BACH2: variants seen among roughly 807,000 people sequenced by gnomAD.
BACH2 encodes transcription regulator protein BACH2.
BACH2 carries 5 observed loss-of-function variants against 61.8 expected under a neutral mutation model. The ratio of observed to expected loss-of-function variants is 0.08; its 90% CI spans 0.04 to 0.17. The LOEUF (loss-of-function observed/expected upper bound fraction) is 0.17, where lower values mean the gene tolerates loss of function less well. Ranked by LOEUF, BACH2 falls within the 10% of genes least tolerant of loss-of-function variation. The probability of loss-of-function intolerance (pLI) is 1.00; values close to 1 mark genes in which losing one functional copy is unlikely to be tolerated. For missense variants in BACH2, 824 were observed against 1,091.1 expected (o/e 0.76, Z 3.45); for synonymous variants, 446 against 440.1 (o/e 1.01, Z -0.17).
chr6:89,981,539 C>T (rs1197587037), intron 6 of BACH2, among the ~76,000 whole-genome samples: 1 of 152,090 alleles, frequency 6.6e-6, no homozygotes, highest in African/African-American at 2.4e-5. Flanking sequence ...TATTCATGTT[C>T]CCTGAATTGA....
chr6:90,219,662 A>C (rs1167562100), intron 3 of BACH2, among the ~76,000 whole-genome samples: 1 of 152,122 alleles, frequency 6.6e-6, no homozygotes, highest in African/African-American at 2.4e-5. Context: ...CCCCTTCCTC[A>C]TCTACTGAGT....
chr6:89,961,018 C>T (rs950838170), intron 6 of BACH2, among the ~76,000 whole-genome samples: 2 of 152,172 alleles, frequency 1.3e-5, no homozygotes, highest in African/African-American at 2.4e-5. Flanking sequence ...GTGGAACCTT[C>T]GTTTCAACTG....
At chr6:89,997,402 C>T (rs182505562) in intron 6 of BACH2, among the ~76,000 whole-genome samples, 148 of 152,320 alleles carry the variant, frequency 9.7e-4, no homozygotes, top group African/African-American at 3.5e-3. Flanking sequence ...AGTTCTTACC[C>T]TGAATCTGGG....
In BACH2 at chr6:89,932,306, G is replaced by A. The variant is rs1584492842; in HGVS notation, c.*102C>T. 2.8e-6 allele frequency: 4 copies of A among 1,446,352 alleles called. No homozygotes were observed. Among genetic ancestry groups the A allele is most frequent in the East Asian group, 4.6e-5 (2 of 43,678 alleles). 89.6% of individuals were successfully genotyped at this position (1,446,352 alleles called of 1,614,324 possible). ...AAGACCGCTGTAGTGTGCACCAAAT[G>A]TGTTCTCGGTTTCTTCGGGACAGCA... is the stretch of plus-strand genomic sequence containing the variant. On this transcript the variant is annotated 3_prime_UTR_variant, in exon 9 of 9. Coordinates refer to ENST00000257749, the MANE Select transcript of BACH2 (RefSeq NM_021813.4).
At chr6:90,014,469 T>TATATATATATATATA (rs540765610) in intron 5 of BACH2, among the ~76,000 whole-genome samples, 2 of 35,732 alleles carry the variant, frequency 5.6e-5, no homozygotes, top group African/African-American at 3.2e-4. Context: ...TATATATATA[T>TATATATATATATATA]TTTTTTTTTT....
intron 6 of BACH2, among the ~76,000 whole-genome samples, chr6:89,973,266 A>G (rs1775470941): frequency 1.9e-5 from 1 of 53,728 alleles, no homozygotes; most frequent in African/African-American, 8.0e-5. Flanking sequence ...AAGAAAATAT[A>G]AAAAATAAAG....
At chr6:89,969,787 A>G in intron 6 of BACH2, among the ~76,000 whole-genome samples, 1 of 152,204 alleles carries the variant, frequency 6.6e-6, no homozygotes, top group African/African-American at 2.4e-5. Context: ...TCGGAAAACC[A>G]TGGAGCAAAA....
chr6:89,990,526 T>C (rs1466049288), intron 6 of BACH2, among the ~76,000 whole-genome samples: 4 of 152,110 alleles, frequency 2.6e-5, no homozygotes, highest in Non-Finnish European at 5.9e-5. Flanking sequence ...ATACTGGCTT[T>C]TTTTTTTCTT....
intron 4 of BACH2, among the ~76,000 whole-genome samples, chr6:90,182,654 C>T (rs542493535): frequency 2.3e-4 from 35 of 152,252 alleles, no homozygotes; most frequent in African/African-American, 7.9e-4. Context: ...AGATTGAGAA[C>T]GTATTAATTC....
Position 90,208,339 on chromosome 6 carries a change from G to A in BACH2, c.-274-1658C>T, listed in dbSNP as rs182537303. Reference sequence around the variant, plus strand: ...AGGGCTAATACCCAGAATCTACAAAGAACTTAAACAAATTTACAAGAAAAA... The same window carrying A: ...AGGGCTAATACCCAGAATCTACAAAAAACTTAAACAAATTTACAAGAAAAA... On this transcript the variant is annotated intron_variant, in intron 3 of 8. Coordinates refer to ENST00000257749, the MANE Select transcript of BACH2 (RefSeq NM_021813.4). Among the ~76,000 whole-genome samples, 264 of 152,000 alleles carry A rather than the reference G, an allele frequency of 1.7e-3. 4 individuals carry two copies. Among genetic ancestry groups the A allele is most frequent in the Admixed American group, 0.011 (169 of 15,256 alleles).
chr6:90,219,789 C>T (rs1315106600), intron 3 of BACH2, among the ~76,000 whole-genome samples: 1 of 35,714 alleles, frequency 2.8e-5, no homozygotes, highest in African/African-American at 7.8e-5. Context: ...AACACATACA[C>T]ACACACACAC....
At chr6:89,949,281 T>G (rs1172463604) in intron 7 of BACH2, among the ~76,000 whole-genome samples, 1 of 152,198 alleles carries the variant, frequency 6.6e-6, no homozygotes, top group African/African-American at 2.4e-5. Flanking sequence ...GACTTGTCAC[T>G]GGGTTTGTTC....
rs538906000 is a variant in BACH2 at position 90,233,394 on chromosome 6, C to T, written c.-275+19119G>A. 5.3e-5 allele frequency among the ~76,000 whole-genome samples: 8 copies of T among 152,290 alleles called. No individual in the cohort carries two copies. The South Asian group carries it at 8.3e-4, about 16-fold the overall frequency. On this transcript the variant is annotated intron_variant, in intron 3 of 8. Coordinates refer to ENST00000257749, the MANE Select transcript of BACH2 (RefSeq NM_021813.4). ...GCCTTGGATGGATCTTGTCTGCTTC[C>T]GTCTGCCTGTGCACACAGGCTGCCA...
intron 4 of BACH2, among the ~76,000 whole-genome samples, chr6:90,166,110 G>C (rs888601888): frequency 8.5e-5 from 13 of 152,152 alleles, no homozygotes; most frequent in Non-Finnish European, 1.6e-4. Context: ...ACTACCATCA[G>C]AGTGAACAGG....
At chr6:89,965,594 C>A (rs1397894227) in intron 6 of BACH2, among the ~76,000 whole-genome samples, 1 of 152,164 alleles carries the variant, frequency 6.6e-6, no homozygotes, top group Non-Finnish European at 1.5e-5. Context: ...TGAACTAAAC[C>A]GAGCTAGCCC....
In BACH2 at chr6:89,950,480, G is replaced by C. The variant is rs202242610; in HGVS notation, c.1626C>G (p.Leu542=). The C allele has an allele frequency of 6.2e-7, 1 of 1,614,184 alleles. No homozygotes were observed. The highest frequency in any genetic ancestry group is 2.2e-5 in the East Asian group (1 of 44,876). The change falls in exon 7 of 9, where the codon CTC becomes CTG. Residue 542 remains leucine (L), a synonymous_variant. Transcript: ENST00000257749. This position sits in a 1 kb window ranked among gnomAD's most constrained non-coding sequence, Gnocchi z 5.3. ...AACAGGGCGAGGAGGAGAACTCACA[G>C]AGAGGGAGGCTGCAGGGTGAGCCCC... The part of the protein sequence containing the change: ...GSGGSPCSLP[L]CEFSSSPCSQ...
chr6:90,144,911 T>C (rs1359207593), intron 4 of BACH2, among the ~76,000 whole-genome samples: 1 of 152,192 alleles, frequency 6.6e-6, no homozygotes, highest in Non-Finnish European at 1.5e-5. Flanking sequence ...CATTTATTTG[T>C]CTGGATTTTA....
intron 5 of BACH2, among the ~76,000 whole-genome samples, chr6:90,072,642 C>A (rs925787586): frequency 2.6e-5 from 4 of 152,280 alleles, no homozygotes; most frequent in Non-Finnish European, 4.4e-5. Context: ...AGTCATCCAA[C>A]CCCGCCTCTG....
chr6:90,259,176 C>T (rs902921733), intron 2 of BACH2, among the ~76,000 whole-genome samples: 17 of 152,162 alleles, frequency 1.1e-4, no homozygotes, highest in African/African-American at 3.9e-4. Flanking sequence ...TTTCAGTTTT[C>T]CCCCATGTAT....
Sources: gnomAD v4.1 joint callset for allele counts (sites outside exome capture counted in the v4.1 genomes callset) on GRCh38, gnomAD v4.1.1 for gene constraint, Gnocchi (gnomAD v3.1) non-coding constraint, MANE v1.5 for transcripts, NCBI Gene and HGNC (gene_info 2026-07-23, HGNC 2026-07-21) for gene names.